The following MAML2 variants were observed in gnomAD, a reference collection of about 807,000 sequenced individuals.
MAML2 encodes the protein mastermind like transcriptional coactivator 2, also known as mastermind-like protein 2.
In MAML2, 22 loss-of-function variants were observed where a neutral mutation model predicts 96.1. That is an observed-to-expected ratio of 0.23 (90% CI 0.16 to 0.33). MAML2 has a LOEUF of 0.33. Ranked by LOEUF, MAML2 falls within the 10% of genes least tolerant of loss-of-function variation. MAML2 has a pLI of 1.00. For missense variants in MAML2, 1,367 were observed against 1,392.4 expected (o/e 0.98, Z 0.29); for synonymous variants, 561 against 521.3 (o/e 1.08, Z -1.04).
At chr11:96,244,842 C>T (rs1862489510) in intron 1 of MAML2, among the ~76,000 whole-genome samples, 1 of 152,108 alleles carries the variant, frequency 6.6e-6, no homozygotes, top group African/African-American at 2.4e-5. Context: ...ATCCAATCAC[C>T]CACACACCCA....
chr11:96,019,786 AG>A (rs2135735657), intron 2 of MAML2, among the ~76,000 whole-genome samples: 1 of 151,940 alleles, frequency 6.6e-6, no homozygotes, highest in Admixed American at 6.6e-5. Flanking sequence ...GAAACAGTCT[AG>A]CTGGGGAAAT....
At chr11:95,986,388 G>A (rs1857829589) in intron 3 of MAML2, among the ~76,000 whole-genome samples, 1 of 151,776 alleles carries the variant, frequency 6.6e-6, no homozygotes, top group African/African-American at 2.4e-5. Context: ...TTTTAATAGA[G>A]ATGGGCTTTT....
chr11:96,191,803 T>G (rs546114055), intron 1 of MAML2, among the ~76,000 whole-genome samples: 1 of 149,312 alleles, frequency 6.7e-6, no homozygotes, highest in African/African-American at 2.5e-5. Flanking sequence ...AAGAATGGAA[T>G]TAGTTGAAAT....
intron 1 of MAML2, among the ~76,000 whole-genome samples, chr11:96,313,998 C>T (rs1382531159): frequency 6.6e-6 from 1 of 152,188 alleles, no homozygotes; most frequent in Non-Finnish European, 1.5e-5. Flanking sequence ...CACAGTAATT[C>T]ATCTGGTGTT....
At chr11:96,320,105 A>G (rs764050601) in intron 1 of MAML2, among the ~76,000 whole-genome samples, 21 of 152,254 alleles carry the variant, frequency 1.4e-4, no homozygotes, top group Non-Finnish European at 1.3e-4. Flanking sequence ...ACACAACTCC[A>G]AAGATACTTT....
At chr11:96,238,139 G>GCACAA in intron 1 of MAML2, among the ~76,000 whole-genome samples, 1 of 152,200 alleles carries the variant, frequency 6.6e-6, no homozygotes, top group South Asian at 2.1e-4. Flanking sequence ...AATTAGTACA[G>GCACAA]AGCTTTAGTT....
At chr11:96,126,549 G>A (rs1191539875) in intron 1 of MAML2, among the ~76,000 whole-genome samples, 1 of 152,124 alleles carries the variant, frequency 6.6e-6, no homozygotes, top group Admixed American at 6.5e-5. Flanking sequence ...GCAACAGAGC[G>A]AGACTCCATC....
chr11:96,159,925 T>C (rs1324697746), intron 1 of MAML2, among the ~76,000 whole-genome samples: 2 of 152,240 alleles, frequency 1.3e-5, no homozygotes, highest in African/African-American at 4.8e-5. Flanking sequence ...CTACTCTATA[T>C]ACTAGTTCTA....
intron 2 of MAML2, among the ~76,000 whole-genome samples, chr11:96,025,132 A>C (rs572580897): frequency 6.6e-5 from 10 of 152,334 alleles, no homozygotes; most frequent in African/African-American, 2.4e-4. Context: ...ACAATAGTAA[A>C]GACATGAAAT....
rs1404632383 is a variant in MAML2 at position 96,243,766 on chromosome 11, G to A, written c.513+97617C>T. On this transcript the variant is annotated intron_variant, in intron 1 of 4. Coordinates refer to ENST00000524717, the MANE Select transcript of MAML2 (RefSeq NM_032427.4). The stretch of plus-strand genomic sequence containing the variant: ...CCTCCCAGGTTCATGCCATTCTCCT[G>A]CCTCAGCCTTCCGAGTAGCTGGGAC... Among the ~76,000 whole-genome samples, 5 of 150,034 alleles carry A rather than the reference G, an allele frequency of 3.3e-5. No homozygotes were observed. The East Asian group carries it at 7.9e-4, about 24-fold the overall frequency.
intron 4 of MAML2, among the ~76,000 whole-genome samples, chr11:95,982,876 C>T (rs748434633): frequency 2.6e-5 from 4 of 152,148 alleles, no homozygotes; most frequent in Admixed American, 1.3e-4. Context: ...TAAATGCATT[C>T]GCTCACCACT....
chr11:96,025,086 GAC>G (rs763358192), intron 2 of MAML2, among the ~76,000 whole-genome samples: 111 of 152,244 alleles, frequency 7.3e-4, no homozygotes, highest in Non-Finnish European at 1.4e-3. Context: ...CCACCAAAAA[GAC>G]ACGTGCACTC....
intron 2 of MAML2, among the ~76,000 whole-genome samples, chr11:96,080,257 A>G (rs1295713955): frequency 6.6e-6 from 1 of 152,224 alleles, no homozygotes; most frequent in Non-Finnish European, 1.5e-5. Context: ...TTAATAAATC[A>G]AGAGGTATCA....
intron 1 of MAML2, among the ~76,000 whole-genome samples, chr11:96,106,385 G>T (rs185486650): frequency 6.6e-6 from 1 of 152,146 alleles, no homozygotes; most frequent in Admixed American, 6.5e-5. Context: ...ACACGCTTAT[G>T]AATTTCTTGA....
At chr11:96,089,110 T>C (rs1293730685) in intron 2 of MAML2, among the ~76,000 whole-genome samples, 1 of 151,976 alleles carries the variant, frequency 6.6e-6, no homozygotes, top group Admixed American at 6.6e-5. Flanking sequence ...AGTTGATAAA[T>C]TTAAGAGTTG....
chr11:96,298,633 T>G (rs1863334553), intron 1 of MAML2, among the ~76,000 whole-genome samples: 1 of 151,810 alleles, frequency 6.6e-6, no homozygotes, highest in African/African-American at 2.4e-5. Flanking sequence ...TGTGCTAGGT[T>G]GCATATCTAT....
intron 1 of MAML2, among the ~76,000 whole-genome samples, chr11:96,248,465 C>T (rs1862539709): frequency 1.3e-5 from 2 of 152,110 alleles, no homozygotes; most frequent in South Asian, 2.1e-4. Context: ...TTGTGGCTCA[C>T]ATTACACTTA....
Position 96,160,400 on chromosome 11 carries a change from T to C in MAML2, c.514-66883A>G, listed in dbSNP as rs150503832. On this transcript the variant is annotated intron_variant, in intron 1 of 4. Transcript: ENST00000524717. The stretch of plus-strand genomic sequence containing the variant: ...TACAAATTTTATGGCCTTTAGCAAA[T>C]AGGTTGACCGAAGTCTCAGTTTTCC... Among the ~76,000 whole-genome samples, 281 of 151,286 alleles carry C rather than the reference T, an allele frequency of 1.9e-3. 2 individuals are homozygous for C. Among genetic ancestry groups the C allele is most frequent in the African/African-American group, 6.6e-3 (271 of 41,264 alleles).
At chr11:96,184,035 A>G (rs762161479) in intron 1 of MAML2, among the ~76,000 whole-genome samples, 6 of 152,242 alleles carry the variant, frequency 3.9e-5, no homozygotes, top group Non-Finnish European at 5.9e-5. Flanking sequence ...CACTCTACTG[A>G]ACAGGGAGAG....
Sources: allele counts gnomAD v4.1 joint callset (sites outside exome capture counted in the v4.1 genomes callset), GRCh38; gene constraint gnomAD v4.1.1; transcripts MANE v1.5; gene names NCBI Gene and HGNC (gene_info 2026-07-23, HGNC 2026-07-21).